The following SLC35F3 variants were observed in gnomAD, a reference collection of about 807,000 sequenced individuals.
SLC35F3 encodes the protein putative thiamine transporter SLC35F3.
In SLC35F3, 25 loss-of-function variants were observed where a neutral mutation model predicts 49.9. The observed-to-expected ratio is 0.50, with a 90% CI of 0.37 to 0.70. SLC35F3 has a LOEUF of 0.70. Ranked by LOEUF, SLC35F3 falls within the 30% of genes least tolerant of loss-of-function variation. The pLI, the probability that SLC35F3 is intolerant of heterozygous loss-of-function variation, is 0.00. For missense variants in SLC35F3, 525 were observed against 639.8 expected (o/e 0.82, Z 1.94); for synonymous variants, 275 against 265.4 (o/e 1.04, Z -0.35).
At chr1:234,129,983 C>A (rs554209540) in intron 2 of SLC35F3, among the ~76,000 whole-genome samples, 1 of 152,094 alleles carries the variant, frequency 6.6e-6, no homozygotes. Flanking sequence ...AAGAAAATAT[C>A]TTTAATCTTC....
At chr1:234,075,175 A>G (rs1664775010) in intron 2 of SLC35F3, among the ~76,000 whole-genome samples, 2 of 152,376 alleles carry the variant, frequency 1.3e-5, no homozygotes, top group East Asian at 1.9e-4. Flanking sequence ...CATATGTTCC[A>G]TGTTAGAACA....
intron 2 of SLC35F3, among the ~76,000 whole-genome samples, chr1:233,922,967 GTAT>G (rs1307924826): frequency 6.6e-6 from 1 of 152,078 alleles, no homozygotes; most frequent in East Asian, 1.9e-4. Flanking sequence ...TAGATGTGTG[GTAT>G]TATTTCTGAG....
At chr1:234,008,044 T>C (rs1663658168) in intron 2 of SLC35F3, among the ~76,000 whole-genome samples, 1 of 152,256 alleles carries the variant, frequency 6.6e-6, no homozygotes, top group South Asian at 2.1e-4. Context: ...TTCCACATTC[T>C]AGAGTCCTAG....
chr1:234,286,516 A>G (rs1375587713), intron 3 of SLC35F3, among the ~76,000 whole-genome samples: 1 of 152,240 alleles, frequency 6.6e-6, no homozygotes, highest in African/African-American at 2.4e-5. Context: ...CCAGTTATGT[A>G]ACAAACTGTA....
At chr1:234,101,594 G>C (rs1558229687) in intron 2 of SLC35F3, among the ~76,000 whole-genome samples, 1 of 152,184 alleles carries the variant, frequency 6.6e-6, no homozygotes, top group East Asian at 1.9e-4. Context: ...ATGGTTCTTG[G>C]CTCACAGTAA....
intron 2 of SLC35F3, among the ~76,000 whole-genome samples, chr1:234,002,310 C>T (rs2102833147): frequency 6.6e-6 from 1 of 152,188 alleles, no homozygotes; most frequent in Admixed American, 6.5e-5. Context: ...GAGTTTTTCC[C>T]TAAGGTCCTT....
At chr1:234,003,221 A>G (rs1240090037) in intron 2 of SLC35F3, among the ~76,000 whole-genome samples, 3 of 150,100 alleles carry the variant, frequency 2.0e-5, no homozygotes, top group Non-Finnish European at 4.5e-5. Flanking sequence ...TGGATAAGAA[A>G]TATATGAAAT....
rs570381729 is a variant in SLC35F3 at position 234,265,060 on chromosome 1, G to T, written c.608+33319G>T. ...TGCAGTGTCTACGCTTGCTCGCTAG[G>T]TGAGCCCCTCCTGTCTCATGTCTCC... On this transcript the variant is annotated intron_variant, in intron 3 of 7. Coordinates refer to ENST00000366618, the MANE Select transcript of SLC35F3 (RefSeq NM_173508.4). 2.6e-5 allele frequency among the ~76,000 whole-genome samples: 4 copies of T among 152,198 alleles called. No individual in the cohort carries two copies. In the East Asian group the frequency reaches 5.8e-4, roughly 22 times the overall value.
At chr1:234,248,502 C>G (rs112122133) in intron 3 of SLC35F3, among the ~76,000 whole-genome samples, 995 of 8,474 alleles carry the variant, frequency 0.12, no homozygotes, top group Middle Eastern at 0.15. Flanking sequence ...TTGGTTGGCT[C>G]GTCCATTGTT....
intron 2 of SLC35F3, among the ~76,000 whole-genome samples, chr1:234,071,184 A>T (rs143900386): frequency 9.6e-4 from 146 of 152,326 alleles, no homozygotes; most frequent in African/African-American, 3.3e-3. Flanking sequence ...TCTATCAATA[A>T]TATCGCTACA....
intron 2 of SLC35F3, among the ~76,000 whole-genome samples, chr1:234,069,666 G>A (rs1056656638): frequency 6.6e-6 from 1 of 152,164 alleles, no homozygotes; most frequent in African/African-American, 2.4e-5. Context: ...AGGCTCATGG[G>A]AGCCCAGCCT....
chr1:234,187,033 C>T lies in SLC35F3; in HGVS notation c.284-44384C>T, dbSNP rs11582483. ...CCTGCCCTCCCTTGCACAGCCAGAC[C>T]TCCTGGCTCTGTGGATCCAGGGGAA... On this transcript the variant is annotated intron_variant, in intron 2 of 7. Transcript: ENST00000366618. 4.4e-3 allele frequency among the ~76,000 whole-genome samples: 669 copies of T among 152,260 alleles called. 4 individuals carry two copies. Among genetic ancestry groups the T allele is most frequent in the Middle Eastern group, 0.014 (4 of 294 alleles).
intron 2 of SLC35F3, among the ~76,000 whole-genome samples, chr1:234,096,937 T>C (rs1355053259): frequency 1.3e-5 from 2 of 150,824 alleles, no homozygotes; most frequent in Non-Finnish European, 2.9e-5. Context: ...TTGCCCAGGC[T>C]GGAGTGCAAT....
chr1:233,997,178 C>T (rs7542991), intron 2 of SLC35F3, among the ~76,000 whole-genome samples: 42,754 of 152,040 alleles, frequency 0.28, 6,285 homozygotes, highest in East Asian at 0.49. Context: ...GTTGCTTCCA[C>T]ATCCTGGCTC....
intron 2 of SLC35F3, among the ~76,000 whole-genome samples, chr1:233,924,040 T>G (rs6671890): frequency 0.93 from 141,571 of 152,214 alleles, 66,710 homozygotes; most frequent in East Asian, 1. Flanking sequence ...GCTGGATTTG[T>G]TTTGCCAGTA....
rs1318127042 is a variant in SLC35F3 at position 234,320,097 on chromosome 1, G to T, written c.1148-1G>T. The T allele has an allele frequency of 6.3e-7, 1 of 1,590,474 alleles. No individual in the cohort carries two copies. Among genetic ancestry groups the T allele is most frequent in the Non-Finnish European group, 8.6e-7 (1 of 1,158,618 alleles). The stretch of plus-strand genomic sequence containing the variant: ...CTCGTTGTTTACATTCTTTATTTCA[G>T]CATTCAATATTGTATTAAATTTTGG... On this transcript the variant is annotated splice_acceptor_variant, in intron 6 of 7. Transcript: ENST00000366618. LOFTEE classifies it high-confidence loss of function. The surrounding 1 kb of genome is among the most constrained non-coding windows in gnomAD (Gnocchi z 4.8).
At chr1:234,079,972 G>A (rs969213242) in intron 2 of SLC35F3, among the ~76,000 whole-genome samples, 2 of 152,136 alleles carry the variant, frequency 1.3e-5, no homozygotes, top group African/African-American at 4.8e-5. Context: ...AGCATCTTTT[G>A]TTATTCTTAA....
At chr1:234,258,415 A>G (rs944203225) in intron 3 of SLC35F3, among the ~76,000 whole-genome samples, 6 of 152,210 alleles carry the variant, frequency 3.9e-5, no homozygotes, top group Non-Finnish European at 8.8e-5. Flanking sequence ...TGTGGGAGCA[A>G]TTAGAGAAGT....
intron 3 of SLC35F3, among the ~76,000 whole-genome samples, chr1:234,240,022 G>A (rs991539260): frequency 2.6e-5 from 4 of 152,122 alleles, no homozygotes; most frequent in Admixed American, 2.6e-4. Flanking sequence ...AACTGTTCTT[G>A]GTCCAGGGAT....
Sources: allele counts gnomAD v4.1 joint callset (sites outside exome capture counted in the v4.1 genomes callset), GRCh38; gene constraint gnomAD v4.1.1; non-coding constraint Gnocchi (gnomAD v3.1); transcripts MANE v1.5; gene names NCBI Gene and HGNC (gene_info 2026-07-23, HGNC 2026-07-21).